DPP10: variants seen among roughly 807,000 people sequenced by gnomAD.
DPP10 encodes the protein dipeptidyl peptidase like 10, also known as inactive dipeptidyl peptidase 10.
Under a neutral mutation model 120.9 loss-of-function variants are expected in DPP10, and 33 were observed. The observed-to-expected ratio is 0.27, with a 90% CI of 0.21 to 0.37. The LOEUF (loss-of-function observed/expected upper bound fraction) is 0.37, where lower values mean the gene tolerates loss of function less well. Among genes scored for constraint, DPP10 ranks in the 10% least tolerant of loss-of-function variants. The pLI is 1.00. For missense variants in DPP10, 816 were observed against 942.8 expected, an observed-to-expected ratio of 0.87 and a Z score of 1.76; for synonymous variants, 337 against 326.1, an observed-to-expected ratio of 1.03 and a Z score of -0.36.
At chr2:115,644,841 ACAGT>A in intron 5 of DPP10, among the ~76,000 whole-genome samples, 1 of 152,278 alleles carries the variant, frequency 6.6e-6, no homozygotes, top group African/African-American at 2.4e-5. Context: ...GGTGGAGTTA[ACAGT>A]CAGTACCACT....
intron 1 of DPP10, among the ~76,000 whole-genome samples, chr2:115,027,971 A>G (rs1295653534): frequency 6.6e-6 from 1 of 151,834 alleles, no homozygotes; most frequent in Non-Finnish European, 1.5e-5. Flanking sequence ...TTTCATTTCT[A>G]ATTTTACTTA....
intron 1 of DPP10, among the ~76,000 whole-genome samples, chr2:114,602,076 G>A (rs1403688039): frequency 6.6e-6 from 1 of 151,786 alleles, no homozygotes; most frequent in Non-Finnish European, 1.5e-5. Flanking sequence ...TTATTAATAA[G>A]GGGCTTAAAA....
At chr2:114,497,182 C>T (rs892191094) in intron 1 of DPP10, among the ~76,000 whole-genome samples, 22 of 147,240 alleles carry the variant, frequency 1.5e-4, no homozygotes, top group East Asian at 4.0e-4. Flanking sequence ...TACATGTGTA[C>T]GTGTATACAT....
chr2:115,820,940 A>G (rs1163392183), intron 21 of DPP10, among the ~76,000 whole-genome samples: 3 of 152,078 alleles, frequency 2.0e-5, no homozygotes, highest in Non-Finnish European at 4.4e-5. Flanking sequence ...ATATGCAAGT[A>G]TCTTTTTCAT....
intron 19 of DPP10, among the ~76,000 whole-genome samples, chr2:115,794,499 C>CACATT (rs1684331770): frequency 6.6e-6 from 1 of 152,088 alleles, no homozygotes; most frequent in East Asian, 1.9e-4. Flanking sequence ...AATCAAAGAT[C>CACATT]AATGTCAATG....
intron 13 of DPP10, among the ~76,000 whole-genome samples, chr2:115,773,728 A>C (rs1381691630): frequency 6.6e-6 from 1 of 152,092 alleles, no homozygotes; most frequent in Non-Finnish European, 1.5e-5. Flanking sequence ...AGGTGCTTAA[A>C]AACCTAACTG....
rs72945827 is a variant in DPP10, at chr2:114,978,682, A to T, written c.61-330557A>T. 5.9e-3 allele frequency among the ~76,000 whole-genome samples: 894 copies of T among 152,286 alleles called. 10 individuals carry two copies. The highest frequency in any genetic ancestry group is 0.034 in the Middle Eastern group (10 of 294). On this transcript the variant is annotated intron_variant, in intron 1 of 25. Transcript: ENST00000410059. ...ACTTCCAAGTCCTGGTTTCAGCTGTAGAAGACCCTTTAAATAGGAGTTGGG... is the reference window on the plus strand; with the variant it reads ...ACTTCCAAGTCCTGGTTTCAGCTGTTGAAGACCCTTTAAATAGGAGTTGGG...
chr2:114,782,049 CCTGA>C (rs1682375580), intron 1 of DPP10, among the ~76,000 whole-genome samples: 1 of 151,980 alleles, frequency 6.6e-6, no homozygotes, highest in Non-Finnish European at 1.5e-5. Flanking sequence ...TGGGTATTAT[CCTGA>C]CTAACAATGG....
chr2:115,623,304 C>T (rs2085114378), intron 5 of DPP10, among the ~76,000 whole-genome samples: 1 of 152,092 alleles, frequency 6.6e-6, no homozygotes, highest in Non-Finnish European at 1.5e-5. Context: ...AATTTACGTC[C>T]TCAATCATGT....
intron 1 of DPP10, among the ~76,000 whole-genome samples, chr2:114,723,274 T>G (rs10188157): frequency 7.0e-4 from 106 of 152,330 alleles, no homozygotes; most frequent in African/African-American, 2.5e-3. Flanking sequence ...AAATGCAAAT[T>G]CCTCATAAAT....
intron 1 of DPP10, among the ~76,000 whole-genome samples, chr2:114,760,220 G>A (rs1012695738): frequency 6.6e-6 from 1 of 152,126 alleles, no homozygotes; most frequent in Non-Finnish European, 1.5e-5. Flanking sequence ...GCAGCTATGA[G>A]CATTGGCTGC....
At chr2:115,388,200 G>C (rs1574671587) in intron 3 of DPP10, among the ~76,000 whole-genome samples, 1 of 152,150 alleles carries the variant, frequency 6.6e-6, no homozygotes, top group African/African-American at 2.4e-5. Flanking sequence ...CTGAATATAA[G>C]ATTTTGATTT....
chr2:114,634,503 A>G (rs1695171309), intron 1 of DPP10, among the ~76,000 whole-genome samples: 1 of 151,874 alleles, frequency 6.6e-6, no homozygotes, highest in Non-Finnish European at 1.5e-5. Flanking sequence ...GTCTGGTTGC[A>G]GAAGTAAACC....
At chr2:114,493,322 G>A (rs999403463) in intron 1 of DPP10, among the ~76,000 whole-genome samples, 6 of 152,180 alleles carry the variant, frequency 3.9e-5, no homozygotes. Context: ...AGAGCGGGAA[G>A]TGAGGACTGC....
chr2:115,149,012 T>C (rs1024859368), intron 1 of DPP10, among the ~76,000 whole-genome samples: 3 of 152,160 alleles, frequency 2.0e-5, no homozygotes, highest in Admixed American at 2.0e-4. Flanking sequence ...CAAACTCCTT[T>C]CCCTTAAAAT....
At chr2:114,735,554 C>A (rs1677345251) in intron 1 of DPP10, among the ~76,000 whole-genome samples, 1 of 151,816 alleles carries the variant, frequency 6.6e-6, no homozygotes, top group Non-Finnish European at 1.5e-5. Context: ...GATTTTCTTT[C>A]TTTTCCTTTT....
chr2:115,463,056 C>A (rs843428), intron 3 of DPP10, among the ~76,000 whole-genome samples: 3 of 152,148 alleles, frequency 2.0e-5, no homozygotes, highest in African/African-American at 7.2e-5. Context: ...TTTATTTTCT[C>A]TATCTGGAAT....
intron 1 of DPP10, among the ~76,000 whole-genome samples, chr2:114,663,654 T>TAG (rs1262689550): frequency 9.3e-4 from 88 of 95,132 alleles, no homozygotes; most frequent in South Asian, 4.3e-3. Flanking sequence ...TATATATATA[T>TAG]ATATATATAT....
chr2:114,527,999 A>G (rs1685645437), intron 1 of DPP10, among the ~76,000 whole-genome samples: 1 of 152,196 alleles, frequency 6.6e-6, no homozygotes, highest in African/African-American at 2.4e-5. Flanking sequence ...GTTGTCTCAC[A>G]CAATAAAGAG....
Sources: allele counts gnomAD v4.1 joint callset (sites outside exome capture counted in the v4.1 genomes callset), GRCh38; gene constraint gnomAD v4.1.1; transcripts MANE v1.5; gene names NCBI Gene and HGNC (gene_info 2026-07-23, HGNC 2026-07-21).